NBL1: variants seen among roughly 807,000 people sequenced by gnomAD.
The protein encoded by NBL1 is neuroblastoma suppressor of tumorigenicity 1.
NBL1 carries 9 observed loss-of-function variants against 16.0 expected under a neutral mutation model. The ratio of observed to expected loss-of-function variants is 0.56; its 90% CI spans 0.34 to 0.98. The LOEUF is 0.98. Ranked by LOEUF, NBL1 falls within the 50% of genes least tolerant of loss-of-function variation. The pLI is 0.02. For missense variants in NBL1, 196 were observed against 243.1 expected (o/e 0.81, Z 1.29); for synonymous variants, 86 against 100.7 (o/e 0.85, Z 0.87).
Position 19,656,890 on chromosome 1 carries a change from G to A in NBL1, c.307G>A (p.Glu103Lys), listed in dbSNP as rs1412417990. 1.1e-5 allele frequency: 18 copies of A among 1,612,316 alleles called. No individual in the cohort carries two copies. The highest frequency in any genetic ancestry group is 4.5e-5 in the East Asian group (2 of 44,820). ...GGTGACGCTGGAGTGCCCGGGCCAC[G>A]AGGAGGTGCCCAGGGTGGACAAGCT... ...EIVTLECPGH[E>K]EVPRVDKLVE... The change falls in exon 4 of 4, where the codon GAG (glutamate) becomes AAG (lysine). Residue 103 changes from glutamate to lysine, a missense_variant. By Grantham distance (56) the Glu-to-Lys change is moderately conservative. Coordinates refer to ENST00000375136, the MANE Select transcript of NBL1 (RefSeq NM_005380.8).
At chr1:19,652,460 G>GC (rs1379524251) in intron 1 of NBL1, among the ~76,000 whole-genome samples, 1 of 121,178 alleles carries the variant, frequency 8.3e-6, no homozygotes, top group African/African-American at 3.0e-5. Context: ...TTGGGAGGCG[G>GC]CGGGGGGGCA....
chr1:19,650,901 G>A (rs1156569551), intron 1 of NBL1, among the ~76,000 whole-genome samples: 2 of 152,222 alleles, frequency 1.3e-5, no homozygotes, highest in East Asian at 1.9e-4. Context: ...GGCGGAGGCA[G>A]GTGTGTCTGG....
chr1:19,657,088 C>T lies in NBL1; in HGVS notation c.505C>T (p.Pro169Ser), dbSNP rs771442867. Residue 169 changes from proline to serine, a missense_variant, in exon 4 of 4, where the codon CCT becomes TCT. Coordinates refer to ENST00000375136, the MANE Select transcript of NBL1 (RefSeq NM_005380.8). ...GGQTPEPEDP[P>S]GAPHTEEEGA... is the part of the protein sequence containing the mutation. ...GCAGACCCCTGAGCCCGAGGACCCCCCTGGGGCCCCCCACACAGAGGAAGA... is the reference window on the plus strand; with the variant it reads ...GCAGACCCCTGAGCCCGAGGACCCCTCTGGGGCCCCCCACACAGAGGAAGA... 1.5e-5 allele frequency: 22 copies of T among 1,516,616 alleles called. No homozygotes were observed. The highest frequency in any genetic ancestry group is 2.0e-5 in the Non-Finnish European group (22 of 1,125,842). 93.9% of individuals were successfully genotyped at this position (1,516,616 alleles called of 1,614,324 possible).
Position 19,644,843 on chromosome 1 carries a change from T to C in NBL1, c.-20+397T>C, listed in dbSNP as rs1272341707. ...CTCGCCGCGCCGCGCCTCTCGGCTC[T>C]GGACGTTTCCGCCTCCCGCGGCCCC... On this transcript the variant is annotated intron_variant, in intron 1 of 3. Coordinates refer to ENST00000375136, the MANE Select transcript of NBL1 (RefSeq NM_005380.8). The surrounding 1 kb of genome is among the most constrained non-coding windows in gnomAD (Gnocchi z 4.6). 2.0e-5 allele frequency among the ~76,000 whole-genome samples: 3 copies of C among 152,054 alleles called. No individual in the cohort carries two copies. The highest frequency in any genetic ancestry group is 2.9e-5 in the Non-Finnish European group (2 of 67,990).
intron 1 of NBL1, among the ~76,000 whole-genome samples, chr1:19,647,874 T>TGTGTGTGTGCGTGTGCGC (rs2094992502): frequency 6.8e-6 from 1 of 147,170 alleles, no homozygotes; most frequent in African/African-American, 2.6e-5. Flanking sequence ...TGCGTGTGTG[T>TGTGTGTGTGCGTGTGCGC]GTGTGTGTGC....
At chr1:19,644,046 C>G (rs946898438), upstream of NBL1, 1 of 980,020 alleles carries the variant, frequency 1.0e-6, no homozygotes, top group African/African-American at 1.8e-5. The surrounding 1 kb of genome is among the most constrained non-coding windows in gnomAD (Gnocchi z 4.6). Context: ...TGCCCTGCCT[C>G]TCGGGCGCCG....
intron 1 of NBL1, 80 bp from the exon 2 acceptor site, chr1:19,654,932 G>A: frequency 6.9e-7 from 1 of 1,456,428 alleles, no homozygotes; most frequent in Non-Finnish European, 9.0e-7. Flanking sequence ...GGAGTCGGAT[G>A]CCAGAGTCCA....
At chr1:19,656,618 G>A (rs939628853) in intron 3 of NBL1, among the ~76,000 whole-genome samples, 1 of 151,922 alleles carries the variant, frequency 6.6e-6, no homozygotes, top group African/African-American at 2.4e-5. Context: ...ATTTTAGCAG[G>A]GGCAGGCCAC....
At chr1:19,649,207 T>A (rs980773448) in intron 1 of NBL1, among the ~76,000 whole-genome samples, 9 of 152,142 alleles carry the variant, frequency 5.9e-5, no homozygotes, top group African/African-American at 2.2e-4. Context: ...AGCAGATTTC[T>A]TGGCCTCTCT....
At chr1:19,647,544 G>C in intron 1 of NBL1, 2 of 935,650 alleles carry the variant, frequency 2.1e-6, no homozygotes, top group South Asian at 5.0e-5. Context: ...CTTAGTGAGT[G>C]TGGGGGGAGA....
upstream of NBL1, chr1:19,644,224 C>G (rs1359311193): frequency 5.7e-5 from 56 of 976,762 alleles, no homozygotes; most frequent in Non-Finnish European, 6.7e-5. This position sits in a 1 kb window ranked among gnomAD's most constrained non-coding sequence, Gnocchi z 4.6. Context: ...CGCGGCCCTC[C>G]CCGCTGCCCC....
intron 1 of NBL1, among the ~76,000 whole-genome samples, chr1:19,652,554 T>A (rs2095032424): frequency 6.6e-6 from 1 of 151,952 alleles, no homozygotes; most frequent in African/African-American, 2.4e-5. Flanking sequence ...TCCCCTGAGA[T>A]GGAGACCTGC....
At position 19,655,330 on chromosome 1, in the gene NBL1, C is replaced by T; in HGVS notation, c.177C>T (p.Cys59=). 2 of 1,613,976 alleles carry T rather than the reference C, an allele frequency of 1.2e-6. No individual in the cohort carries two copies. The highest frequency in any genetic ancestry group is 2.2e-5 in the East Asian group (1 of 44,882). Residue 59 remains cysteine (C), a synonymous_variant, in exon 3 of 4, where the codon TGC becomes TGT. Coordinates refer to ENST00000375136, the MANE Select transcript of NBL1 (RefSeq NM_005380.8). ...GTGACCTCTCCTCCCACAGGGCGTG[C>T]CTAGGACAGTGCTTCAGCTACAGCG... ...CEAKSIQNRA[C]LGQCFSYSVP...
rs1366213367 is a variant in NBL1 at position 19,655,026 on chromosome 1, C to T, written c.-5C>T. 5.6e-6 allele frequency: 9 copies of T among 1,603,210 alleles called. No individual in the cohort carries two copies. Among genetic ancestry groups the T allele is most frequent in the South Asian group, 3.3e-5 (3 of 89,876 alleles). ...CTCCGTTCTAGGGCTCTGGAGGCCA[C>T]GGGCATGATGCTTCGGGTCCTGGTG... On this transcript the variant is annotated 5_prime_UTR_variant, in exon 2 of 4. The change creates a new upstream start codon in the 5' untranslated region. Coordinates refer to ENST00000375136, the MANE Select transcript of NBL1 (RefSeq NM_005380.8).
In NBL1 at chr1:19,644,319, C is replaced by T. The variant is rs2094964229; in HGVS notation, c.-147C>T. 3 of 979,620 alleles carry T rather than the reference C, an allele frequency of 3.1e-6. No individual in the cohort carries two copies. The highest frequency in any genetic ancestry group is 1.1e-4 in the East Asian group (1 of 8,706). 60.7% of individuals were successfully genotyped at this position (979,620 alleles called of 1,614,324 possible). The stretch of plus-strand genomic sequence containing the variant: ...CGCGCCCGCCCGGGGCCGCAGACAG[C>T]GCGCAGCGCAGCCCAGCCGAGCGTC... On this transcript the variant is annotated 5_prime_UTR_variant, in exon 1 of 4. Coordinates refer to ENST00000375136, the MANE Select transcript of NBL1 (RefSeq NM_005380.8). The surrounding 1 kb of genome is among the most constrained non-coding windows in gnomAD (Gnocchi z 4.6).
At chr1:19,646,104 C>G in intron 1 of NBL1, 1 of 1,519,390 alleles carries the variant, frequency 6.6e-7, no homozygotes, top group African/African-American at 1.4e-5. Flanking sequence ...GCAGGCAGGC[C>G]TGGGTGGCAC....
rs187895122 is a variant in NBL1 at position 19,654,630 on chromosome 1, C to T, written c.-19-382C>T. Among the ~76,000 whole-genome samples the T allele has an allele frequency of 3.3e-5, 5 of 152,094 alleles. No homozygotes were observed. The East Asian group carries it at 5.8e-4, about 18-fold the overall frequency. On this transcript the variant is annotated intron_variant, in intron 1 of 3. Coordinates refer to ENST00000375136, the MANE Select transcript of NBL1 (RefSeq NM_005380.8). ...GCACTTGACATGTGCTTGAACACTT[C>T]GTAATCGCAATCCTGTGCCAGGCAG...
At chr1:19,644,052 C>G (rs1445836931), upstream of NBL1, 22 of 978,244 alleles carry the variant, frequency 2.2e-5, no homozygotes, top group Non-Finnish European at 2.7e-5. The surrounding 1 kb of genome is among the most constrained non-coding windows in gnomAD (Gnocchi z 4.6). Context: ...GCCTCTCGGG[C>G]GCCGGCCAGG....
chr1:19,644,581 C>G lies in NBL1; in HGVS notation c.-20+135C>G. On this transcript the variant is annotated intron_variant, in intron 1 of 3. Coordinates refer to ENST00000375136, the MANE Select transcript of NBL1 (RefSeq NM_005380.8). The surrounding 1 kb of genome is among the most constrained non-coding windows in gnomAD (Gnocchi z 4.6). ...CCGCGGGCACCGGGTGGAGGCGCCG[C>G]CGCCGAGCTCAGGAGCCCTGGGGGA... 3 of 420,554 alleles carry G rather than the reference C, an allele frequency of 7.1e-6. No homozygotes were observed. The highest frequency in any genetic ancestry group is 6.6e-5 in the African/African-American group (3 of 45,128). The allele number at this position is 420,554 out of a possible 1,614,324, so 26.1% of individuals were successfully genotyped here. A position where few individuals can be genotyped will look rare whatever the true frequency, so the allele number is the denominator to read the frequency against.
Sources: allele counts gnomAD v4.1 joint callset (sites outside exome capture counted in the v4.1 genomes callset), GRCh38; gene constraint gnomAD v4.1.1; non-coding constraint Gnocchi (gnomAD v3.1); transcripts MANE v1.5; gene names NCBI Gene and HGNC (gene_info 2026-07-23, HGNC 2026-07-21).